SREBF2: variants seen among roughly 807,000 people sequenced by gnomAD.
SREBF2 encodes sterol regulatory element binding transcription factor 2.
A neutral mutation model predicts 113.1 loss-of-function variants in SREBF2; 55 were observed. The ratio of observed to expected loss-of-function variants is 0.49; its 90% CI spans 0.39 to 0.61. The LOEUF (loss-of-function observed/expected upper bound fraction) is 0.61. SREBF2 is among the 20% of genes least tolerant of loss of function. SREBF2 has a pLI of 0.00. For missense variants in SREBF2, 1,349 were observed against 1,487.4 expected, an observed-to-expected ratio of 0.91 and a Z score of 1.53; for synonymous variants, 593 against 605.7, an observed-to-expected ratio of 0.98 and a Z score of 0.31.
At chr22:41,845,485 G>A (rs966768966) in intron 1 of SREBF2, among the ~76,000 whole-genome samples, 6 of 152,222 alleles carry the variant, frequency 3.9e-5, no homozygotes, top group Non-Finnish European at 8.8e-5. Flanking sequence ...CAACGTGAAT[G>A]AGTATCCACT....
At chr22:41,855,755 C>CT (rs572611963) in intron 1 of SREBF2, among the ~76,000 whole-genome samples, 2,280 of 141,168 alleles carry the variant, frequency 0.016, 28 homozygotes, top group African/African-American at 0.025. Flanking sequence ...TGTAGTATAA[C>CT]TTTTTTTTTT....
chr22:41,869,847 T>C (rs2077123174), intron 3 of SREBF2, among the ~76,000 whole-genome samples: 1 of 150,742 alleles, frequency 6.6e-6, no homozygotes, highest in East Asian at 1.9e-4. Flanking sequence ...CATCGTGGAC[T>C]ATATCCTCTT....
chr22:41,841,289 C>T (rs983872657), intron 1 of SREBF2, among the ~76,000 whole-genome samples: 6 of 152,328 alleles, frequency 3.9e-5, no homozygotes, highest in Non-Finnish European at 7.4e-5. Flanking sequence ...TTTTTAAAGA[C>T]ATAAGGTATG....
chr22:41,884,252 C>T (rs2077278323), intron 10 of SREBF2, among the ~76,000 whole-genome samples: 1 of 152,212 alleles, frequency 6.6e-6, no homozygotes, highest in South Asian at 2.1e-4. Context: ...TCTTCTGCCT[C>T]AGCCTTCCAA....
intron 13 of SREBF2, 51 bp from the exon 14 acceptor site, chr22:41,897,001 G>A: frequency 1.5e-6 from 2 of 1,299,762 alleles, no homozygotes; most frequent in Non-Finnish European, 2.2e-6. Flanking sequence ...CCATGAGGTG[G>A]GCCTTGTGTA....
chr22:41,869,531 T>G (rs2148380976), intron 3 of SREBF2, among the ~76,000 whole-genome samples: 1 of 151,892 alleles, frequency 6.6e-6, no homozygotes, highest in South Asian at 2.1e-4. Context: ...TTGCCCAGGT[T>G]GGAGTGCAGT....
intron 14 of SREBF2, among the ~76,000 whole-genome samples, 185 bp downstream of exon 14, chr22:41,897,346 TG>T (rs1411768904): frequency 6.6e-6 from 1 of 152,144 alleles, no homozygotes; most frequent in Non-Finnish European, 1.5e-5. Flanking sequence ...CAGGAAACTA[TG>T]GTTTTCAGAG....
intron 1 of SREBF2, among the ~76,000 whole-genome samples, chr22:41,861,761 A>G (rs2077029403): frequency 6.6e-6 from 1 of 152,014 alleles, no homozygotes; most frequent in South Asian, 2.1e-4. Flanking sequence ...TGTCTCTACT[A>G]AAAATACAAA....
In SREBF2 at chr22:41,853,435, T is replaced by A. The variant is rs141510826; in HGVS notation, c.89-13396T>A. Among the ~76,000 whole-genome samples, 153 of 152,306 alleles carry A rather than the reference T, an allele frequency of 1.0e-3. 1 individual carries two copies. The highest frequency in any genetic ancestry group is 3.6e-3 in the African/African-American group (151 of 41,582). On this transcript the variant is annotated intron_variant, in intron 1 of 18. Transcript: ENST00000361204. Reference sequence around the variant, plus strand: ...CTATTGACTTGCTGGATTCTGTGATTTTGTCATGTTCCCTGTGTCTCTTTG... The same window carrying A: ...CTATTGACTTGCTGGATTCTGTGATATTGTCATGTTCCCTGTGTCTCTTTG...
In SREBF2 at chr22:41,881,139, T is replaced by C. The variant is rs1278987113; in HGVS notation, c.2038+147T>C. On this transcript the variant is annotated intron_variant, in intron 10 of 18. Transcript: ENST00000361204. ...TGGCTAGACCAAGCTTCTACCTGTT[T>C]TCACAGCTGTAAGGTTGGCTCTTTG... is the stretch of plus-strand genomic sequence containing the variant. 2.9e-5 allele frequency: 32 copies of C among 1,092,638 alleles called. No homozygotes were observed. In the East Asian group the frequency reaches 7.6e-4, roughly 26 times the overall value. The allele number at this position is 1,092,638 out of a possible 1,614,324, so 67.7% of individuals were successfully genotyped here.
At chr22:41,879,651 C>T (rs1295512547) in intron 9 of SREBF2, among the ~76,000 whole-genome samples, 3 of 152,222 alleles carry the variant, frequency 2.0e-5, no homozygotes, top group African/African-American at 7.2e-5. Flanking sequence ...GACATCTTTT[C>T]TTTTCCCTTG....
At chr22:41,862,477 T>G (rs1356656642) in intron 1 of SREBF2, among the ~76,000 whole-genome samples, 1 of 152,202 alleles carries the variant, frequency 6.6e-6, no homozygotes, top group Non-Finnish European at 1.5e-5. Context: ...TCTCTGGCCC[T>G]GAGCTTTGTG....
In SREBF2 at chr22:41,900,382, C is replaced by T. The variant is rs1328783093; in HGVS notation, c.2791C>T (p.Leu931Phe). 1 of 1,613,900 alleles carries T rather than the reference C, an allele frequency of 6.2e-7. No homozygotes were observed. The highest frequency in any genetic ancestry group is 1.7e-5 in the Admixed American group (1 of 60,030). ...FHACRAMHASLPGKADGQQSS... is the reference protein window; with the variant it reads ...FHACRAMHASFPGKADGQQSS... The stretch of plus-strand genomic sequence containing the variant: ...TGCCTGCAGAGCCATGCATGCCTCA[C>T]TCCCTGGGAAAGCAGATGGGCAGCA... The change falls in exon 16 of 19, where the codon CTC (leucine) becomes TTC (phenylalanine). Residue 931 changes from leucine to phenylalanine, a missense_variant. By Grantham distance (22) the Leu-to-Phe change is conservative. Coordinates refer to ENST00000361204, the MANE Select transcript of SREBF2 (RefSeq NM_004599.4).
chr22:41,860,710 C>A (rs1162118896), intron 1 of SREBF2, among the ~76,000 whole-genome samples: 1 of 151,896 alleles, frequency 6.6e-6, no homozygotes, highest in African/African-American at 2.4e-5. Context: ...GAGACTCTGT[C>A]TCCACAAAAA....
rs776029252 is a variant in SREBF2, at chr22:41,900,336, C to T, written c.2745C>T (p.Pro915=). ...CTCCCTGTCACTGCTGCAGGAGCCC[C>T]CTGGTGAAGGCCATCTTCCATGCCT... ...IPKALEVTES[P]LVKAIFHACR... Residue 915 remains proline (P), a synonymous_variant, in exon 16 of 19, where the codon CCC becomes CCT. Coordinates refer to ENST00000361204, the MANE Select transcript of SREBF2 (RefSeq NM_004599.4). 1.2e-6 allele frequency: 2 copies of T among 1,613,188 alleles called. No individual in the cohort carries two copies. The highest frequency in any genetic ancestry group is 1.1e-5 in the South Asian group (1 of 91,076).
chr22:41,843,170 C>G (rs1291356030), intron 1 of SREBF2, among the ~76,000 whole-genome samples: 2 of 152,118 alleles, frequency 1.3e-5, no homozygotes, highest in African/African-American at 4.8e-5. Flanking sequence ...TCATCTTGAT[C>G]CCAGATAGAT....
At chr22:41,884,398 A>T (rs1285521039) in intron 10 of SREBF2, among the ~76,000 whole-genome samples, 2 of 152,222 alleles carry the variant, frequency 1.3e-5, no homozygotes, top group Non-Finnish European at 2.9e-5. Flanking sequence ...TGGCCTCCCA[A>T]AGTGCTGGGA....
intron 1 of SREBF2, among the ~76,000 whole-genome samples, chr22:41,852,411 G>A (rs1012425347): frequency 6.6e-6 from 1 of 150,934 alleles, no homozygotes; most frequent in Non-Finnish European, 1.5e-5. Flanking sequence ...GAATTTAATC[G>A]TGACATCTCC....
intron 1 of SREBF2, among the ~76,000 whole-genome samples, chr22:41,863,156 T>A (rs965838916): frequency 6.6e-6 from 1 of 152,206 alleles, no homozygotes; most frequent in Admixed American, 6.5e-5. Context: ...ATCTTATTAA[T>A]CCTCAGGGCA....
Sources: gnomAD v4.1 joint callset for allele counts (sites outside exome capture counted in the v4.1 genomes callset) on GRCh38, gnomAD v4.1.1 for gene constraint, MANE v1.5 for transcripts, NCBI Gene and HGNC (gene_info 2026-07-23, HGNC 2026-07-21) for gene names.